Variants in GNL2 observed in about 807,000 individuals in gnomAD.
GNL2 encodes G protein nucleolar 2.
Under a neutral mutation model 92.3 loss-of-function variants are expected in GNL2, and 51 were observed. The ratio of observed to expected loss-of-function variants is 0.55; its 90% CI spans 0.44 to 0.70. The LOEUF (loss-of-function observed/expected upper bound fraction) is 0.70. Ranked by LOEUF, GNL2 falls within the 30% of genes least tolerant of loss-of-function variation. The probability of loss-of-function intolerance (pLI) is 0.00; values close to 1 mark genes in which losing one functional copy is unlikely to be tolerated. For missense variants in GNL2, 844 were observed against 895.6 expected (o/e 0.94, Z 0.74); for synonymous variants, 283 against 300.6 (o/e 0.94, Z 0.61).
chr1:37,584,698 T>C (rs1211491754), intron 5 of GNL2, among the ~76,000 whole-genome samples: 1 of 151,958 alleles, frequency 6.6e-6, no homozygotes. Context: ...GGGTTTCAGT[T>C]TGGGATGATG....
At chr1:37,583,097 G>C (rs1643798504) in intron 6 of GNL2, 161 bp from the exon 7 acceptor site, 1 of 441,470 alleles carries the variant, frequency 2.3e-6, no homozygotes, top group Admixed American at 4.1e-5. Flanking sequence ...CCAGTGATCA[G>C]AATTCAAAAG....
chr1:37,568,169 C>T (rs1643536755), intron 14 of GNL2, 106 bp downstream of exon 14: 1 of 698,732 alleles, frequency 1.4e-6, no homozygotes, highest in African/African-American at 1.8e-5. Context: ...CCAGATATGA[C>T]AAACATTTAT....
intron 12 of GNL2, chr1:37,570,593 T>C (rs1275795748): frequency 1.3e-5 from 2 of 152,152 alleles, no homozygotes; most frequent in Non-Finnish European, 2.9e-5. Context: ...TTGCTTGCTC[T>C]TGTCCTCCCA....
chr1:37,574,931 C>T lies in GNL2; in HGVS notation c.1144-108G>A, dbSNP rs1272785148. On this transcript the variant is annotated intron_variant, in intron 10 of 15. Transcript: ENST00000373062. ...GAAAATAGACTTCAACATCACAAAG[C>T]TCGTGGAGATTGGCAGGAGCCTGTC... 9 of 768,534 alleles carry T rather than the reference C, an allele frequency of 1.2e-5. No individual in the cohort carries two copies. The South Asian group carries it at 1.6e-4, about 13-fold the overall frequency. The allele number at this position is 768,534 out of a possible 1,614,324, so 47.6% of individuals were successfully genotyped here. A position where few individuals can be genotyped will look rare whatever the true frequency, so the allele number is the denominator to read the frequency against.
intron 8 of GNL2, among the ~76,000 whole-genome samples, chr1:37,577,316 TGAAAGTTACGACTACAGGG>T (rs1643694065): frequency 6.6e-6 from 1 of 151,968 alleles, no homozygotes; most frequent in Non-Finnish European, 1.5e-5. Context: ...AAAGCAACCT[TGAAAGTTACGACTACAGGG>T]TGAAAGTCTC....
chr1:37,594,748 T>G (rs559436876), intron 1 of GNL2, among the ~76,000 whole-genome samples: 51 of 152,156 alleles, frequency 3.4e-4, no homozygotes, highest in African/African-American at 1.1e-3. Flanking sequence ...ATCATGTTGG[T>G]CAGGCTGGTC....
At chr1:37,579,711 C>G (rs1643735090) in intron 8 of GNL2, among the ~76,000 whole-genome samples, 1 of 151,544 alleles carries the variant, frequency 6.6e-6, no homozygotes, top group Non-Finnish European at 1.5e-5. Context: ...TCCTGGCTAA[C>G]ATGGTGAAAA....
chr1:37,595,369 A>G (rs1005658075), intron 1 of GNL2, among the ~76,000 whole-genome samples: 1 of 152,228 alleles, frequency 6.6e-6, no homozygotes, highest in Admixed American at 6.5e-5. Flanking sequence ...TTCTCATTTT[A>G]AAGGTCAAAG....
At chr1:37,572,386 C>G (rs1471627031) in intron 12 of GNL2, among the ~76,000 whole-genome samples, 1 of 152,164 alleles carries the variant, frequency 6.6e-6, no homozygotes, top group Non-Finnish European at 1.5e-5. Flanking sequence ...TAGATAGCTT[C>G]AGGATGGGGG....
At chr1:37,573,246 C>A (rs1020281428) in intron 12 of GNL2, among the ~76,000 whole-genome samples, 1 of 152,190 alleles carries the variant, frequency 6.6e-6, no homozygotes, top group African/African-American at 2.4e-5. Flanking sequence ...AGAATACATT[C>A]AACTGAAAAT....
At chr1:37,588,265 C>T (rs958782981) in intron 4 of GNL2, among the ~76,000 whole-genome samples, 6 of 151,718 alleles carry the variant, frequency 4.0e-5, no homozygotes, top group African/African-American at 1.2e-4. Flanking sequence ...ATGTTAACAG[C>T]CTGCAGACAA....
intron 13 of GNL2, 111 bp from the exon 14 acceptor site, chr1:37,568,468 T>TA: frequency 1.4e-6 from 1 of 693,368 alleles, no homozygotes; most frequent in South Asian, 1.7e-5. Context: ...CCTATCCAAG[T>TA]AGTTATCACC....
intron 8 of GNL2, 117 bp from the exon 9 acceptor site, chr1:37,576,673 G>T: frequency 2.1e-6 from 2 of 951,720 alleles, no homozygotes; most frequent in Non-Finnish European, 3.1e-6. Context: ...GATACAACTT[G>T]ATCTGAAGCC....
chr1:37,568,877 G>T lies in GNL2; in HGVS notation c.1842C>A (p.Ala614=), dbSNP rs780747321. 1.9e-6 allele frequency: 3 copies of T among 1,612,170 alleles called. No individual in the cohort carries two copies. In the South Asian group the frequency reaches 3.3e-5, roughly 18 times the overall value. Residue 614 remains alanine, a synonymous_variant, in exon 13 of 16, where the codon GCC becomes GCA. Coordinates refer to ENST00000373062, the MANE Select transcript of GNL2 (RefSeq NM_013285.3). The part of the protein sequence containing the change: ...IAKYQKFLDK[A]KAKKFSAVRI... Reference sequence around the variant, plus strand: ...TGACTGCTGAAAACTTTTTGGCTTTGGCTTTGTCTAGAAACTTCTGATATT... The same window carrying T: ...TGACTGCTGAAAACTTTTTGGCTTTTGCTTTGTCTAGAAACTTCTGATATT...
At position 37,568,833 on chromosome 1, in the gene GNL2, A is replaced by G; in HGVS notation, c.1868+18T>C. Reference sequence around the variant, plus strand: ...AAGGAATGAAAATCTGCAATTTGTGAGAAGATGAAAATATTACCTGACTGC... The same window carrying G: ...AAGGAATGAAAATCTGCAATTTGTGGGAAGATGAAAATATTACCTGACTGC... On this transcript the variant is annotated intron_variant, in intron 13 of 15. Coordinates refer to ENST00000373062, the MANE Select transcript of GNL2 (RefSeq NM_013285.3). 3 of 1,584,376 alleles carry G rather than the reference A, an allele frequency of 1.9e-6. No homozygotes were observed. Among genetic ancestry groups the G allele is most frequent in the Non-Finnish European group, 2.6e-6 (3 of 1,158,994 alleles).
chr1:37,593,919 T>C (rs1643905356), intron 1 of GNL2, 73 bp from the exon 2 acceptor site: 1 of 1,108,518 alleles, frequency 9.0e-7, no homozygotes, highest in East Asian at 2.5e-5. Context: ...TTGCTTAAAA[T>C]GCAACAAGTA....
chr1:37,583,270 T>C (rs1643800977), intron 6 of GNL2: 1 of 173,916 alleles, frequency 5.7e-6, no homozygotes, highest in African/African-American at 2.4e-5. Context: ...TGTAATATTA[T>C]AGGTTTTGTG....
At chr1:37,573,416 G>A (rs1160418352) in intron 12 of GNL2, among the ~76,000 whole-genome samples, 3 of 152,238 alleles carry the variant, frequency 2.0e-5, no homozygotes, top group African/African-American at 7.2e-5. Context: ...AAGGCAAAAC[G>A]TTAACGTTGA....
chr1:37,569,126 C>A lies in GNL2; in HGVS notation c.1593G>T (p.Gln531His). ...EMQQILTRVR[Q>H]NFGKINVVPQ... Reference sequence around the variant, plus strand: ...GCACCACGTTGATTTTACCAAAGTTCTGCCGAACTCGTGTGAGAATCTGCT... The same window carrying A: ...GCACCACGTTGATTTTACCAAAGTTATGCCGAACTCGTGTGAGAATCTGCT... Residue 531 changes from glutamine to histidine, a missense_variant, in exon 13 of 16, where the codon CAG becomes CAT. Coordinates refer to ENST00000373062, the MANE Select transcript of GNL2 (RefSeq NM_013285.3). 1 of 1,614,220 alleles carries A rather than the reference C, an allele frequency of 6.2e-7. No individual in the cohort carries two copies. The highest frequency in any genetic ancestry group is 1.1e-5 in the South Asian group (1 of 91,082).
Sources: allele counts gnomAD v4.1 joint callset (sites outside exome capture counted in the v4.1 genomes callset), GRCh38; gene constraint gnomAD v4.1.1; transcripts MANE v1.5; gene names NCBI Gene and HGNC (gene_info 2026-07-23, HGNC 2026-07-21).